ARHGEF25: variants seen among roughly 807,000 people sequenced by gnomAD.
ARHGEF25 encodes the protein Rho guanine nucleotide exchange factor 25.
In ARHGEF25, 42 loss-of-function variants were observed where a neutral mutation model predicts 74.0. The observed-to-expected ratio is 0.57, with a 90% CI of 0.44 to 0.73. The LOEUF is 0.73. Ranked by LOEUF, ARHGEF25 falls within the 30% of genes least tolerant of loss-of-function variation. ARHGEF25 has a pLI of 0.00. For missense variants in ARHGEF25, 645 were observed against 725.5 expected, an observed-to-expected ratio of 0.89 and a Z score of 1.27; for synonymous variants, 293 against 278.6, an observed-to-expected ratio of 1.05 and a Z score of -0.51.
At chr12:57,613,602 G>T in intron 4 of ARHGEF25, 86 bp downstream of exon 4, 1 of 1,611,236 alleles carries the variant, frequency 6.2e-7, no homozygotes, top group Non-Finnish European at 8.5e-7. Flanking sequence ...TCCAAGGTTG[G>T]CTATGATGAT....
At chr12:57,615,203 GC>G (rs1565727882) in intron 10 of ARHGEF25, 33 bp from the exon 11 acceptor site, 1 of 1,574,238 alleles carries the variant, frequency 6.4e-7, no homozygotes. Context: ...GACTCTCTTC[GC>G]CCAACAATGC....
At chr12:57,613,585 A>C in intron 4 of ARHGEF25, 69 bp downstream of exon 4, 2 of 1,611,976 alleles carry the variant, frequency 1.2e-6, no homozygotes, top group Non-Finnish European at 1.7e-6. Flanking sequence ...TTTTAGATGG[A>C]ATTTCCTCCA....
rs878857795 is a variant in ARHGEF25, at chr12:57,611,799, AG to A, written c.-89del. On this transcript the variant is annotated 5_prime_UTR_variant, in exon 1 of 15. Transcript: ENST00000286494. This position sits in a 1 kb window ranked among gnomAD's most constrained non-coding sequence, Gnocchi z 4.5. ...CACAGCCTGGACCGGGGTAGGAGGGAGGGGGGGTGTGCGCCCGGCGCCGTCC... is the reference window on the plus strand; with the variant it reads ...CACAGCCTGGACCGGGGTAGGAGGGAGGGGGGTGTGCGCCCGGCGCCGTCC... 14 of 1,054,568 alleles carry A rather than the reference AG, an allele frequency of 1.3e-5. No homozygotes were observed. Among genetic ancestry groups the A allele is most frequent in the East Asian group, 8.4e-5 (2 of 23,792 alleles). The allele number at this position is 1,054,568 out of a possible 1,614,324, so 65.3% of individuals were successfully genotyped here.
rs758003628 is a variant in ARHGEF25, at chr12:57,614,946, C to A, written c.910-21C>A. 1 of 1,613,638 alleles carries A rather than the reference C, an allele frequency of 6.2e-7. No individual in the cohort carries two copies. The highest frequency in any genetic ancestry group is 1.7e-5 in the Admixed American group (1 of 60,008). ...AGGGTGTCCTCGTGACCTCCCTGAG[C>A]ATTTCTTCTCTCTGTCTTAGGATTT... On this transcript the variant is annotated intron_variant, in intron 9 of 14. Transcript: ENST00000286494. The surrounding 1 kb of genome is among the most constrained non-coding windows in gnomAD (Gnocchi z 4.6).
In ARHGEF25 at chr12:57,612,942, T is replaced by C. The variant is rs1780415993; in HGVS notation, c.110T>C (p.Ile37Thr). The change falls in exon 2 of 15, where the codon ATT (isoleucine) becomes ACT (threonine). Residue 37 changes from isoleucine (I) to threonine (T), a missense_variant. Physicochemically the swap from Ile to Thr is moderately conservative, Grantham distance 89. Transcript: ENST00000286494. The stretch of plus-strand genomic sequence containing the variant: ...TTCCTCCCATTAGAATCCTATTCCA[T>C]TGCGGGCAGTGAGGGGAGTATATCG... ...FARGGRESYS[I>T]AGSEGSISAS... The C allele has an allele frequency of 6.2e-7, 1 of 1,614,024 alleles. No individual in the cohort carries two copies. The highest frequency in any genetic ancestry group is 8.5e-7 in the Non-Finnish European group (1 of 1,179,932).
Position 57,617,125 on chromosome 12 carries a change from C to A in ARHGEF25, c.*231C>A, listed in dbSNP as rs570170661. The A allele has an allele frequency of 3.2e-5, 3 of 93,276 alleles. No individual in the cohort carries two copies. Among genetic ancestry groups the A allele is most frequent in the East Asian group, 3.5e-4 (1 of 2,844 alleles). The allele number at this position is 93,276 out of a possible 1,614,324, so 5.8% of individuals were successfully genotyped here. A position where few individuals can be genotyped will look rare whatever the true frequency, so the allele number is the denominator to read the frequency against. On this transcript the variant is annotated 3_prime_UTR_variant, in exon 15 of 15. Transcript: ENST00000286494. Reference sequence around the variant, plus strand: ...TCCCTATGCATGCATCATGGTCCCCCCAAAAGGAGGATATGTGGGTGGGTG... The same window carrying A: ...TCCCTATGCATGCATCATGGTCCCCACAAAAGGAGGATATGTGGGTGGGTG...
At chr12:57,613,823 T>C in intron 5 of ARHGEF25, 63 bp downstream of exon 5, 3 of 1,589,796 alleles carry the variant, frequency 1.9e-6, no homozygotes, top group Non-Finnish European at 2.6e-6. Context: ...AGGGCTATTT[T>C]CAGGAGGTGC....
At chr12:57,610,781 T>C, upstream of ARHGEF25, 1 of 1,015,778 alleles carries the variant, frequency 9.8e-7, no homozygotes, top group Non-Finnish European at 1.4e-6. Context: ...AGTTCGCATC[T>C]AATTTGCATG....
Position 57,615,307 on chromosome 12 carries a change from G to A in ARHGEF25, c.1031G>A (p.Gly344Glu), listed in dbSNP as rs554543726. 6.2e-7 allele frequency: 1 copy of A among 1,607,800 alleles called. No individual in the cohort carries two copies. The highest frequency in any genetic ancestry group is 1.1e-5 in the South Asian group (1 of 89,962). The part of the protein sequence containing the change: ...NDMMTLGRLR[G>E]FEGKLTAQGK... ...ATGATGACGCTGGGGAGATTGCGGG[G>A]ATTTGAGGTACGGAGATAGGGCAAG... The change falls in exon 11 of 15, where the codon GGA becomes GAA. Residue 344 changes from glycine to glutamate, a missense_variant. Physicochemically the swap from Gly to Glu is moderately conservative, Grantham distance 98. Coordinates refer to ENST00000286494, the MANE Select transcript of ARHGEF25 (RefSeq NM_182947.4).
Position 57,614,313 on chromosome 12 carries a change from C to G in ARHGEF25, c.657-18C>G, listed in dbSNP as rs1479285699. On this transcript the variant is annotated intron_variant, in intron 6 of 14. Coordinates refer to ENST00000286494, the MANE Select transcript of ARHGEF25 (RefSeq NM_182947.4). This position sits in a 1 kb window ranked among gnomAD's most constrained non-coding sequence, Gnocchi z 4.6. ...GTGAAATGTATTTGACCTGCTGCTT[C>G]TCTACCAACCCCTCCAGCTATTTCT... 7 of 1,613,972 alleles carry G rather than the reference C, an allele frequency of 4.3e-6. No homozygotes were observed. Among genetic ancestry groups the G allele is most frequent in the Admixed American group, 1.7e-5 (1 of 60,008 alleles).
At position 57,616,444 on chromosome 12, in the gene ARHGEF25, G is replaced by A. The variant is rs1214194208; in HGVS notation, c.1581G>A (p.Leu527=). The A allele has an allele frequency of 1.3e-5, 21 of 1,614,178 alleles. No individual in the cohort carries two copies. Among genetic ancestry groups the A allele is most frequent in the Non-Finnish European group, 1.6e-5 (19 of 1,180,036 alleles). ...TPINGSLPSL[L]LSPKGEVARA... ...TCAATGGCTCTCTCCCCTCTCTGCT[G>A]CTGTCACCCAAAGGGGAGGTGGCCA... is the stretch of plus-strand genomic sequence containing the variant. Residue 527 remains leucine, a synonymous_variant, in exon 14 of 15, where the codon CTG becomes CTA. Coordinates refer to ENST00000286494, the MANE Select transcript of ARHGEF25 (RefSeq NM_182947.4).
At chr12:57,610,270 C>T, upstream of ARHGEF25, 8 of 1,583,170 alleles carry the variant, frequency 5.1e-6, no homozygotes, top group South Asian at 1.1e-5. Flanking sequence ...TACTGGGGGT[C>T]ATGGGGGGCA....
chr12:57,614,107 A>G lies in ARHGEF25; in HGVS notation c.644A>G (p.Glu215Gly). 1 of 1,613,962 alleles carries G rather than the reference A, an allele frequency of 6.2e-7. No homozygotes were observed. Among genetic ancestry groups the G allele is most frequent in the Non-Finnish European group, 8.5e-7 (1 of 1,180,012 alleles). The change falls in exon 6 of 15, where the codon GAG becomes GGG. Residue 215 changes from glutamate (E) to glycine (G), a missense_variant. Around this residue, in one of 3 missense-constraint regions of ARHGEF25, gnomAD observed 194 missense variants for 269.4 expected, o/e 0.72. Coordinates refer to ENST00000286494, the MANE Select transcript of ARHGEF25 (RefSeq NM_182947.4). This position sits in a 1 kb window ranked among gnomAD's most constrained non-coding sequence, Gnocchi z 4.6. Reference protein sequence around the residue: ...IVFGNIQQIYEWHRDYFLQEL... With the variant: ...IVFGNIQQIYGWHRDYFLQEL... ...TTTGGGAATATCCAGCAAATCTATG[A>G]GTGGCACCGAGAGTGAGTGGTGGAA... is the stretch of plus-strand genomic sequence containing the variant.
rs780550596 is a variant in ARHGEF25 at position 57,614,310 on chromosome 12, C to A, written c.657-21C>A. ...GTTGTGAAATGTATTTGACCTGCTG[C>A]TTCTCTACCAACCCCTCCAGCTATT... On this transcript the variant is annotated intron_variant, in intron 6 of 14. Coordinates refer to ENST00000286494, the MANE Select transcript of ARHGEF25 (RefSeq NM_182947.4). The surrounding 1 kb of genome is among the most constrained non-coding windows in gnomAD (Gnocchi z 4.6). The A allele has an allele frequency of 6.2e-7, 1 of 1,613,940 alleles. No homozygotes were observed. The highest frequency in any genetic ancestry group is 1.1e-5 in the South Asian group (1 of 91,076).
rs368980310 is a variant in ARHGEF25 at position 57,612,026 on chromosome 12, G to A, written c.97+35G>A. ...AGGTCGAGAGGGTCCAGTGTTGAGT[G>A]GGGGGCGGGCTGGGGGTTCAGGGCA... On this transcript the variant is annotated intron_variant, in intron 1 of 14. Coordinates refer to ENST00000286494, the MANE Select transcript of ARHGEF25 (RefSeq NM_182947.4). The A allele has an allele frequency of 1.2e-5, 16 of 1,280,854 alleles. No homozygotes were observed. The African/African-American group carries it at 2.0e-4, about 16-fold the overall frequency. The allele number at this position is 1,280,854 out of a possible 1,614,324, so 79.3% of individuals were successfully genotyped here.
intron 13 of ARHGEF25, 117 bp downstream of exon 13, chr12:57,616,134 G>A: frequency 6.8e-7 from 1 of 1,473,690 alleles, no homozygotes; most frequent in South Asian, 1.3e-5. Context: ...CTTTTCCACT[G>A]CTAGCTCAAA....
Position 57,611,610 on chromosome 12 carries a change from C to T in ARHGEF25, c.-285C>T. The T allele has an allele frequency of 1.9e-6, 2 of 1,027,624 alleles. No individual in the cohort carries two copies. Among genetic ancestry groups the T allele is most frequent in the Middle Eastern group, 4.6e-4 (1 of 2,194 alleles). 63.7% of individuals were successfully genotyped at this position (1,027,624 alleles called of 1,614,324 possible). ...CATCCCTCCCCCTTCCACTGGACAT[C>T]TGGACCCTAGGCCCCCGCACCGACA... On this transcript the variant is annotated 5_prime_UTR_variant, in exon 1 of 15. Transcript: ENST00000286494. The surrounding 1 kb of genome is among the most constrained non-coding windows in gnomAD (Gnocchi z 4.5).
upstream of ARHGEF25, chr12:57,611,293 C>T: frequency 3.9e-6 from 1 of 258,312 alleles, no homozygotes; most frequent in Non-Finnish European, 6.0e-6. The surrounding 1 kb of genome is among the most constrained non-coding windows in gnomAD (Gnocchi z 4.5). Flanking sequence ...GCGCTGGGGA[C>T]GTGGAGTGGG....
Position 57,613,511 on chromosome 12 carries a change from G to A in ARHGEF25, c.480G>A (p.Arg160=). 1.9e-6 allele frequency: 3 copies of A among 1,614,226 alleles called. No individual in the cohort carries two copies. The highest frequency in any genetic ancestry group is 2.5e-6 in the Non-Finnish European group (3 of 1,180,048). Residue 160 remains arginine (R), a synonymous_variant, in exon 4 of 15, where the codon AGG becomes AGA. Coordinates refer to ENST00000286494, the MANE Select transcript of ARHGEF25 (RefSeq NM_182947.4). ...EEEQKKKALE[R]SMYVLSELVE... ...AACAGAAGAAGAAGGCTCTGGAAAG[G>A]AGTATGTAAGTGTCCACAGCCCTTC...
Sources: allele counts gnomAD v4.1 joint callset, GRCh38; gene constraint gnomAD v4.1.1; regional missense constraint gnomAD v4.1.1; non-coding constraint Gnocchi (gnomAD v3.1); transcripts MANE v1.5; gene names NCBI Gene and HGNC (gene_info 2026-07-23, HGNC 2026-07-21).